Variants in PNKD observed in about 807,000 individuals in gnomAD.
PNKD encodes probable thioesterase PNKD.
PNKD carries 36 observed loss-of-function variants against 45.3 expected under a neutral mutation model. The ratio of observed to expected loss-of-function variants is 0.80; its 90% CI spans 0.61 to 1.05. The LOEUF is 1.05. PNKD is among the 50% of genes least tolerant of loss of function. PNKD has a pLI of 0.00. For missense variants in PNKD, 511 were observed against 506.6 expected (o/e 1.01, Z -0.08); for synonymous variants, 197 against 210.1 (o/e 0.94, Z 0.54).
intron 2 of PNKD, chr2:218,275,961 C>G: frequency 6.4e-7 from 1 of 1,551,886 alleles, no homozygotes; most frequent in Non-Finnish European, 8.8e-7. Context: ...AAATTCATGC[C>G]CCCTTCCCTA....
At chr2:218,335,221 C>T (rs1451208511) in intron 2 of PNKD, among the ~76,000 whole-genome samples, 1 of 152,066 alleles carries the variant, frequency 6.6e-6, no homozygotes, top group Non-Finnish European at 1.5e-5. Flanking sequence ...GTGGCTCACG[C>T]CAGTAATCCC....
intron 2 of PNKD, chr2:218,275,417 C>T (rs955509545): frequency 6.4e-7 from 1 of 1,572,452 alleles, no homozygotes; most frequent in Non-Finnish European, 8.6e-7. Context: ...GTCATAGGGC[C>T]CAGCCCTCTA....
At chr2:218,334,423 C>T (rs1694427987) in intron 2 of PNKD, among the ~76,000 whole-genome samples, 1 of 152,058 alleles carries the variant, frequency 6.6e-6, no homozygotes, top group Non-Finnish European at 1.5e-5. Flanking sequence ...TTCATCTTGT[C>T]AATACATTTG....
intron 2 of PNKD, chr2:218,334,641 C>T (rs1357953074): frequency 1.4e-6 from 1 of 699,076 alleles, no homozygotes; most frequent in African/African-American, 1.7e-5. Context: ...GGTGACAGAG[C>T]AAGACCCAAA....
At chr2:218,330,711 C>T (rs1210650471) in intron 2 of PNKD, among the ~76,000 whole-genome samples, 1 of 152,184 alleles carries the variant, frequency 6.6e-6, no homozygotes, top group East Asian at 1.9e-4. Context: ...CCCAGAACTG[C>T]TGAATCAAAA....
At chr2:218,282,194 A>C (rs895493284) in intron 2 of PNKD, 12 of 1,380,068 alleles carry the variant, frequency 8.7e-6, no homozygotes, top group Non-Finnish European at 1.1e-5. Flanking sequence ...GAAATGGGAG[A>C]GGAGAAAAGC....
At chr2:218,288,252 C>T (rs943741887) in intron 2 of PNKD, among the ~76,000 whole-genome samples, 1 of 152,168 alleles carries the variant, frequency 6.6e-6, no homozygotes, top group African/African-American at 2.4e-5. Context: ...CATGGTGAAA[C>T]CCCATCTCTA....
At chr2:218,322,376 T>C (rs1401616358) in intron 2 of PNKD, among the ~76,000 whole-genome samples, 1 of 152,126 alleles carries the variant, frequency 6.6e-6, no homozygotes, top group Non-Finnish European at 1.5e-5. Flanking sequence ...CCAGGGACCT[T>C]AACAACTTCT....
chr2:218,315,086 C>T (rs59816934), intron 2 of PNKD, among the ~76,000 whole-genome samples: 2 of 68,202 alleles, frequency 2.9e-5, no homozygotes, highest in African/African-American at 4.6e-5. Flanking sequence ...TTCTTTCTCT[C>T]TCTCTCTCTC....
chr2:218,283,657 G>A (rs1022818534), intron 2 of PNKD, among the ~76,000 whole-genome samples: 3 of 152,202 alleles, frequency 2.0e-5, no homozygotes, highest in Non-Finnish European at 2.9e-5. Context: ...TCTCTTTTTA[G>A]GGCACATTGC....
chr2:218,344,421 C>G lies in PNKD; in HGVS notation c.869-34C>G, dbSNP rs753509463. On this transcript the variant is annotated intron_variant, in intron 8 of 9. Coordinates refer to ENST00000273077, the MANE Select transcript of PNKD (RefSeq NM_015488.5). ...TTCTGACTGTACCACCAATCTCTCT[C>G]TGCTCTGTGTCTCACCCTCATGGCT... 2.3e-5 allele frequency: 33 copies of G among 1,445,704 alleles called. No homozygotes were observed. The African/African-American group carries it at 4.4e-4, about 19-fold the overall frequency. 89.6% of individuals were successfully genotyped at this position (1,445,704 alleles called of 1,614,324 possible).
At chr2:218,318,807 G>A (rs1472567105) in intron 2 of PNKD, among the ~76,000 whole-genome samples, 2 of 152,122 alleles carry the variant, frequency 1.3e-5, no homozygotes, top group Non-Finnish European at 2.9e-5. Context: ...GAAAGTGAAG[G>A]ACGTAAGCAC....
chr2:218,293,325 G>A (rs1376481772), intron 2 of PNKD, among the ~76,000 whole-genome samples: 1 of 152,204 alleles, frequency 6.6e-6, no homozygotes, highest in African/African-American at 2.4e-5. Context: ...TCACACCTGC[G>A]ATCCTAGCAC....
intron 2 of PNKD, chr2:218,323,105 G>C: frequency 1.7e-6 from 2 of 1,180,768 alleles, no homozygotes; most frequent in Non-Finnish European, 2.2e-6. Context: ...TGCCCGGCTG[G>C]AGGTGGTGAG....
Position 218,344,930 on chromosome 2 carries a change from C to G in PNKD, c.1107C>G (p.Ala369=), listed in dbSNP as rs965003072. 4.3e-6 allele frequency: 7 copies of G among 1,614,000 alleles called. No homozygotes were observed. Among genetic ancestry groups the G allele is most frequent in the Non-Finnish European group, 5.9e-6 (7 of 1,179,948 alleles). Residue 369 remains alanine, a synonymous_variant, in exon 10 of 10, where the codon GCC becomes GCG. Coordinates refer to ENST00000273077, the MANE Select transcript of PNKD (RefSeq NM_015488.5). The part of the protein sequence containing the change: ...GPTGDDDYSR[A]QLLEELRRLK... ...CTGGGGATGATGACTACTCCCGGGC[C>G]CAGCTCCTGGAAGAGCTCCGCCGGC...
chr2:218,339,981 C>T (rs752889942), intron 3 of PNKD, 48 bp from the exon 4 acceptor site: 87 of 1,489,560 alleles, frequency 5.8e-5, no homozygotes, highest in Admixed American at 3.4e-5. Flanking sequence ...ACCCCAGCCC[C>T]TGGGCTCCCT....
At chr2:218,280,196 A>G (rs1691745389) in intron 2 of PNKD, 1 of 1,141,498 alleles carries the variant, frequency 8.8e-7, no homozygotes, top group African/African-American at 1.5e-5. Context: ...AGCCTCCCTG[A>G]CAATCTCAAA....
chr2:218,306,251 C>T (rs531469024), intron 2 of PNKD, among the ~76,000 whole-genome samples: 2 of 152,152 alleles, frequency 1.3e-5, no homozygotes, highest in Admixed American at 1.3e-4. Flanking sequence ...CAGGGGGAGC[C>T]CCTGCTTGAA....
chr2:218,345,023 A>G lies in PNKD; in HGVS notation c.*42A>G, dbSNP rs1407948535. Reference sequence around the variant, plus strand: ...AGCCCAGCCCACTCCCCGCATGGGGAGGCCGCCACCACCAACACCTCATCA... The same window carrying G: ...AGCCCAGCCCACTCCCCGCATGGGGGGGCCGCCACCACCAACACCTCATCA... On this transcript the variant is annotated 3_prime_UTR_variant, in exon 10 of 10. Transcript: ENST00000273077. 1.3e-6 allele frequency: 2 copies of G among 1,510,038 alleles called. No individual in the cohort carries two copies. Among genetic ancestry groups the G allele is most frequent in the South Asian group, 1.2e-5 (1 of 85,170 alleles). 93.5% of individuals were successfully genotyped at this position (1,510,038 alleles called of 1,614,324 possible). A position where few individuals can be genotyped will look rare whatever the true frequency, so the allele number is the denominator to read the frequency against.
Sources: gnomAD v4.1 joint callset for allele counts (sites outside exome capture counted in the v4.1 genomes callset) on GRCh38, gnomAD v4.1.1 for gene constraint, MANE v1.5 for transcripts, NCBI Gene and HGNC (gene_info 2026-07-23, HGNC 2026-07-21) for gene names.